The following CSMD1 variants were observed in gnomAD, a reference collection of about 807,000 sequenced individuals.
CSMD1 encodes CUB and Sushi multiple domains 1, also known as CUB and sushi domain-containing protein 1.
CSMD1 carries 213 observed loss-of-function variants against 417.5 expected under a neutral mutation model. That is an observed-to-expected ratio of 0.51 (90% confidence interval 0.46 to 0.57). The LOEUF is 0.57. Ranked by LOEUF, CSMD1 falls within the 20% of genes least tolerant of loss-of-function variation. The pLI, the probability that CSMD1 is intolerant of heterozygous loss-of-function variation, is 0.00. For missense variants in CSMD1, 6,923 were observed against 4,529.7 expected, an observed-to-expected ratio of 1.53 and a Z score of -15.17; for synonymous variants, 2,862 against 1,736.8, an observed-to-expected ratio of 1.65 and a Z score of -16.11.
At chr8:3,806,666 T>A (rs780437526) in intron 5 of CSMD1, among the ~76,000 whole-genome samples, 1 of 152,232 alleles carries the variant, frequency 6.6e-6, no homozygotes, top group Non-Finnish European at 1.5e-5. Flanking sequence ...CGTTGAGCAC[T>A]TGAATAATCT....
chr8:4,347,640 A>G (rs113514689), intron 3 of CSMD1, among the ~76,000 whole-genome samples: 54 of 152,324 alleles, frequency 3.5e-4, no homozygotes, highest in Non-Finnish European at 7.2e-4. Flanking sequence ...AAGCAATGAA[A>G]GGAGGAGTGT....
intron 1 of CSMD1, among the ~76,000 whole-genome samples, chr8:4,658,071 G>C (rs189489563): frequency 1.3e-5 from 2 of 151,278 alleles, no homozygotes; most frequent in Non-Finnish European, 2.9e-5. Flanking sequence ...GGAAAAAGAA[G>C]GGAAAAAAAT....
In CSMD1 at chr8:3,254,676, T is replaced by C. The variant is rs187179448; in HGVS notation, c.4154-24445A>G. 7.2e-5 allele frequency among the ~76,000 whole-genome samples: 11 copies of C among 152,378 alleles called. No homozygotes were observed. The East Asian group carries it at 2.1e-3, about 29-fold the overall frequency. ...AGTTGACCGAATTGGCTATTGAGACTTGTGCATTTGTCACTTAGTTCTCGA... is the reference window on the plus strand; with the variant it reads ...AGTTGACCGAATTGGCTATTGAGACCTGTGCATTTGTCACTTAGTTCTCGA... On this transcript the variant is annotated intron_variant, in intron 26 of 69. Transcript: ENST00000635120.
intron 2 of CSMD1, among the ~76,000 whole-genome samples, chr8:4,438,325 A>T (rs182323513): frequency 8.1e-4 from 124 of 152,262 alleles, no homozygotes; most frequent in African/African-American, 2.7e-3. Context: ...AGCAGCACCA[A>T]ATCTCCAGTC....
intron 2 of CSMD1, among the ~76,000 whole-genome samples, chr8:4,424,807 A>T (rs1318634319): frequency 6.6e-6 from 1 of 152,070 alleles, no homozygotes; most frequent in African/African-American, 2.4e-5. Flanking sequence ...ATTATACCAT[A>T]GTTTTGCCGG....
chr8:3,964,641 T>G (rs557717712), intron 5 of CSMD1, among the ~76,000 whole-genome samples: 1 of 152,198 alleles, frequency 6.6e-6, no homozygotes, highest in Non-Finnish European at 1.5e-5. Context: ...ATATTTAAAT[T>G]TGCTATTCAA....
At chr8:3,314,941 T>C (rs182316052) in intron 23 of CSMD1, among the ~76,000 whole-genome samples, 10 of 152,344 alleles carry the variant, frequency 6.6e-5, no homozygotes, top group Admixed American at 2.6e-4. Flanking sequence ...TGAGCAACTC[T>C]TGAGAAAGTA....
intron 54 of CSMD1, among the ~76,000 whole-genome samples, chr8:2,993,548 C>T (rs1806598454): frequency 6.6e-6 from 1 of 152,148 alleles, no homozygotes; most frequent in Admixed American, 6.5e-5. Context: ...AGGAAGTCGG[C>T]TTCCAATTAT....
chr8:4,937,945 T>C (rs748860906), intron 1 of CSMD1, among the ~76,000 whole-genome samples: 14 of 152,226 alleles, frequency 9.2e-5, no homozygotes, highest in Non-Finnish European at 1.5e-4. Context: ...AATTTTGTTT[T>C]TATTAATTTT....
chr8:4,507,370 A>C (rs562453945), intron 2 of CSMD1, among the ~76,000 whole-genome samples: 1 of 152,280 alleles, frequency 6.6e-6, no homozygotes, highest in Admixed American at 6.5e-5. Context: ...CTCCCATTAG[A>C]TAGTTGGTGC....
intron 5 of CSMD1, among the ~76,000 whole-genome samples, chr8:3,876,626 T>C (rs1202005928): frequency 1.3e-5 from 2 of 152,222 alleles, no homozygotes; most frequent in African/African-American, 2.4e-5. Flanking sequence ...TTCTTTGTTT[T>C]TGAGACAGAG....
intron 3 of CSMD1, among the ~76,000 whole-genome samples, chr8:4,116,703 C>G (rs1228388009): frequency 8.6e-5 from 13 of 151,998 alleles, no homozygotes; most frequent in African/African-American, 3.1e-4. Flanking sequence ...GGAACAAACG[C>G]GCCATGCAGC....
chr8:4,889,126 T>A (rs1474834680), intron 1 of CSMD1, among the ~76,000 whole-genome samples: 2 of 152,130 alleles, frequency 1.3e-5, no homozygotes, highest in Non-Finnish European at 2.9e-5. Flanking sequence ...AAAGTATCAC[T>A]CACAGTATTT....
intron 36 of CSMD1, 32 bp from the exon 37 acceptor site, chr8:3,181,246 A>G (rs769798787): frequency 1.5e-6 from 2 of 1,351,652 alleles, no homozygotes; most frequent in East Asian, 4.6e-5. Flanking sequence ...GAATTGTAAC[A>G]CTACAAATAC....
At chr8:4,357,323 T>G (rs1801487945) in intron 3 of CSMD1, among the ~76,000 whole-genome samples, 1 of 152,220 alleles carries the variant, frequency 6.6e-6, no homozygotes, top group African/African-American at 2.4e-5. Context: ...CCTGATATCA[T>G]GCCTGTTGCG....
chr8:4,703,456 A>G (rs1335688136), intron 1 of CSMD1, among the ~76,000 whole-genome samples: 1 of 152,186 alleles, frequency 6.6e-6, no homozygotes. Context: ...CTATCTTGCA[A>G]TCACCAATGT....
At chr8:3,642,339 C>T (rs1293709061) in intron 7 of CSMD1, among the ~76,000 whole-genome samples, 2 of 152,104 alleles carry the variant, frequency 1.3e-5, no homozygotes, top group Non-Finnish European at 2.9e-5. Flanking sequence ...CACCTTGGTG[C>T]TGTGGGGAGA....
intron 37 of CSMD1, among the ~76,000 whole-genome samples, chr8:3,180,635 T>G (rs1489777374): frequency 6.6e-6 from 1 of 152,074 alleles, no homozygotes; most frequent in Non-Finnish European, 1.5e-5. Context: ...ATATTTCTTT[T>G]GTTTGTTTGT....
chr8:4,400,516 T>C (rs1256913496), intron 3 of CSMD1, among the ~76,000 whole-genome samples: 1 of 152,202 alleles, frequency 6.6e-6, no homozygotes, highest in Non-Finnish European at 1.5e-5. Flanking sequence ...AAAAAGTCAA[T>C]AAAAATTGCC....
Sources: allele counts gnomAD v4.1 joint callset (sites outside exome capture counted in the v4.1 genomes callset), GRCh38; gene constraint gnomAD v4.1.1; transcripts MANE v1.5; gene names NCBI Gene and HGNC (gene_info 2026-07-23, HGNC 2026-07-21).